Variants in SNX24 observed in about 807,000 individuals in gnomAD.
SNX24 encodes sorting nexin-24.
In SNX24, 22 loss-of-function variants were observed where a neutral mutation model predicts 28.7. That is an observed-to-expected ratio of 0.77 (90% CI 0.55 to 1.10). The LOEUF is 1.10. SNX24 is among the 50% of genes least tolerant of loss of function. The pLI is 0.00. For missense variants in SNX24, 221 were observed against 201.1 expected (o/e 1.10, Z -0.60); for synonymous variants, 69 against 71.5 (o/e 0.96, Z 0.18).
At chr5:122,972,564 T>C (rs541689858) in intron 3 of SNX24, among the ~76,000 whole-genome samples, 5 of 152,320 alleles carry the variant, frequency 3.3e-5, no homozygotes, top group African/African-American at 1.2e-4. Context: ...GACCAGTGAA[T>C]TTCAGGAGCA....
chr5:122,902,670 A>T (rs1358731444), intron 1 of SNX24, among the ~76,000 whole-genome samples: 2 of 152,150 alleles, frequency 1.3e-5, no homozygotes, highest in East Asian at 3.9e-4. Context: ...TGGATTCCCT[A>T]GCCCAGTACA....
chr5:122,891,352 C>T (rs988726820), intron 1 of SNX24, among the ~76,000 whole-genome samples: 6 of 152,072 alleles, frequency 3.9e-5, no homozygotes, highest in Non-Finnish European at 5.9e-5. Context: ...ATGATATGTA[C>T]AGTATGAGAC....
intron 1 of SNX24, among the ~76,000 whole-genome samples, chr5:122,908,286 T>C (rs950151810): frequency 3.3e-5 from 5 of 152,218 alleles, no homozygotes; most frequent in African/African-American, 4.8e-5. Flanking sequence ...TCAGATGTCA[T>C]TGAGTGATGT....
At position 122,946,055 on chromosome 5, in the gene SNX24, C is replaced by A. The variant is rs1561638074; in HGVS notation, c.145C>A (p.Leu49Ile). Residue 49 changes from leucine to isoleucine, a missense_variant and splice_region_variant, in exon 3 of 7, where the codon CTT (leucine) becomes ATT (isoleucine). Leu to Ile is a conservative substitution (Grantham distance 5). Coordinates refer to ENST00000261369, the MANE Select transcript of SNX24 (RefSeq NM_014035.4). Reference sequence around the variant, plus strand: ...TTCTTTTCCTATTCTGTCTTTATAGCTTAAGAAATGTATAAAAACTCCAGA... The same window carrying A: ...TTCTTTTCCTATTCTGTCTTTATAGATTAAGAAATGTATAAAAACTCCAGA... ...YSEFHALHKK[L>I]KKCIKTPEIP... 2.6e-6 allele frequency: 4 copies of A among 1,517,112 alleles called. No individual in the cohort carries two copies. Among genetic ancestry groups the A allele is most frequent in the Non-Finnish European group, 1.8e-6 (2 of 1,106,414 alleles). The allele number at this position is 1,517,112 out of a possible 1,614,324, so 94.0% of individuals were successfully genotyped here. A position where few individuals can be genotyped will look rare whatever the true frequency, so the allele number is the denominator to read the frequency against.
At chr5:122,862,460 G>A (rs1349913028) in intron 1 of SNX24, among the ~76,000 whole-genome samples, 2 of 151,862 alleles carry the variant, frequency 1.3e-5, no homozygotes, top group African/African-American at 4.8e-5. Flanking sequence ...CGAAAAAAAA[G>A]TACGTGGTGG....
intron 1 of SNX24, among the ~76,000 whole-genome samples, chr5:122,915,458 T>C (rs1758118817): frequency 6.6e-6 from 1 of 152,056 alleles, no homozygotes; most frequent in South Asian, 2.1e-4. Context: ...AGTCCCCATC[T>C]CTACAAAAGA....
intron 1 of SNX24, among the ~76,000 whole-genome samples, chr5:122,886,014 A>G (rs1756694570): frequency 6.6e-6 from 1 of 152,062 alleles, no homozygotes; most frequent in Non-Finnish European, 1.5e-5. Context: ...CTAACAGGCC[A>G]CAGACCGTTT....
At chr5:122,931,903 CCATT>C (rs1758975325) in intron 1 of SNX24, among the ~76,000 whole-genome samples, 1 of 151,670 alleles carries the variant, frequency 6.6e-6, no homozygotes, top group African/African-American at 2.4e-5. Context: ...AAGAGAGAGA[CCATT>C]CAACTTGAAA....
chr5:123,026,261 G>T (rs1226618096), intron 5 of SNX24, among the ~76,000 whole-genome samples: 1 of 152,138 alleles, frequency 6.6e-6, no homozygotes, highest in African/African-American at 2.4e-5. Flanking sequence ...CCATGACTTC[G>T]CTCTGAAGTG....
At chr5:123,004,235 A>G (rs891767064) in intron 6 of SNX24, among the ~76,000 whole-genome samples, 5 of 152,232 alleles carry the variant, frequency 3.3e-5, no homozygotes, top group Admixed American at 6.5e-5. Flanking sequence ...ATTAGAAATC[A>G]GGAGAGTACT....
intron 3 of SNX24, among the ~76,000 whole-genome samples, chr5:122,978,133 G>C (rs1761243536): frequency 1.3e-5 from 2 of 151,988 alleles, no homozygotes; most frequent in African/African-American, 4.8e-5. Context: ...CTTTAACAAT[G>C]CACTTTGGTA....
chr5:122,908,707 C>T (rs1353705567), intron 1 of SNX24, among the ~76,000 whole-genome samples: 1 of 152,078 alleles, frequency 6.6e-6, no homozygotes, highest in Non-Finnish European at 1.5e-5. Context: ...GAAATGTAGC[C>T]TTAAAGACAT....
intron 1 of SNX24, among the ~76,000 whole-genome samples, chr5:122,865,111 A>G (rs543596460): frequency 1.5e-4 from 23 of 152,370 alleles, no homozygotes; most frequent in Non-Finnish European, 2.9e-4. Flanking sequence ...GACTGTGGGT[A>G]GAGCAGGTTC....
chr5:122,897,031 C>T (rs767013434), intron 1 of SNX24, among the ~76,000 whole-genome samples: 2 of 152,206 alleles, frequency 1.3e-5, no homozygotes, highest in Non-Finnish European at 2.9e-5. Flanking sequence ...GTGAGCTTTC[C>T]TCTTGCTTCT....
downstream of SNX24, among the ~76,000 whole-genome samples, chr5:123,009,947 C>A (rs1762538387): frequency 6.6e-6 from 1 of 152,216 alleles, no homozygotes; most frequent in Non-Finnish European, 1.5e-5. Flanking sequence ...ATCCAGGGAT[C>A]AGCAAGTAGA....
intron 5 of SNX24, among the ~76,000 whole-genome samples, chr5:123,027,066 C>T (rs558520096): frequency 6.6e-4 from 100 of 152,084 alleles, no homozygotes; most frequent in South Asian, 1.2e-3. Flanking sequence ...TGGTGGCGGG[C>T]GCCTGCAATC....
intron 5 of SNX24, among the ~76,000 whole-genome samples, chr5:123,018,033 C>T (rs568556676): frequency 6.6e-6 from 1 of 151,966 alleles, no homozygotes; most frequent in African/African-American, 2.4e-5. Context: ...AGAGGAGCTT[C>T]CAGTCCAGGG....
intron 3 of SNX24, among the ~76,000 whole-genome samples, chr5:122,968,811 A>G (rs1047080682): frequency 2.0e-5 from 3 of 152,156 alleles, no homozygotes; most frequent in Non-Finnish European, 2.9e-5. Flanking sequence ...CCAGTAATAG[A>G]TACAATAAAA....
chr5:122,929,601 A>G (rs770375595), intron 1 of SNX24, among the ~76,000 whole-genome samples: 28 of 152,142 alleles, frequency 1.8e-4, no homozygotes, highest in Admixed American at 3.3e-4. Flanking sequence ...GCACCTTTAC[A>G]TTGTATATAG....
Sources: allele counts gnomAD v4.1 joint callset (sites outside exome capture counted in the v4.1 genomes callset), GRCh38; gene constraint gnomAD v4.1.1; transcripts MANE v1.5; gene names NCBI Gene and HGNC (gene_info 2026-07-23, HGNC 2026-07-21).